RIT2: variants seen among roughly 807,000 people sequenced by gnomAD.
RIT2 encodes the protein GTP-binding protein Rit2.
Under a neutral mutation model 23.7 loss-of-function variants are expected in RIT2, and 24 were observed. That is an observed-to-expected ratio of 1.01 (90% CI 0.73 to 1.43). The LOEUF (loss-of-function observed/expected upper bound fraction) is 1.43, where lower values mean the gene tolerates loss of function less well. RIT2 is among the 40% of genes most tolerant of loss of function. The pLI is 0.00. For synonymous variants in RIT2, 107 were observed against 91.1 expected (o/e 1.17, Z -0.99); for missense variants, 236 against 266.9 (o/e 0.88, Z 0.81).
chr18:42,925,839 T>C (rs1364204866), intron 3 of RIT2, among the ~76,000 whole-genome samples: 4 of 151,656 alleles, frequency 2.6e-5, no homozygotes, highest in Non-Finnish European at 4.4e-5. Flanking sequence ...ATACCTTTAA[T>C]TAAAATGTAG....
intron 1 of RIT2, among the ~76,000 whole-genome samples, chr18:43,034,288 C>T (rs958673048): frequency 2.6e-5 from 4 of 152,046 alleles, no homozygotes; most frequent in Non-Finnish European, 5.9e-5. Flanking sequence ...TGAATAGATA[C>T]CCTCTGAAGT....
At chr18:42,756,006 G>C (rs574726036) in intron 4 of RIT2, among the ~76,000 whole-genome samples, 1 of 152,006 alleles carries the variant, frequency 6.6e-6, no homozygotes, top group Non-Finnish European at 1.5e-5. Flanking sequence ...AAGGAGTCTC[G>C]GTAAAGGGAC....
At chr18:42,838,739 C>T (rs1205631265) in intron 4 of RIT2, among the ~76,000 whole-genome samples, 1 of 152,084 alleles carries the variant, frequency 6.6e-6, no homozygotes, top group Non-Finnish European at 1.5e-5. Flanking sequence ...GATTACACGC[C>T]TCAGAATTTG....
chr18:42,984,527 G>A (rs1017620678), intron 2 of RIT2, among the ~76,000 whole-genome samples: 2 of 151,898 alleles, frequency 1.3e-5, no homozygotes, highest in Non-Finnish European at 2.9e-5. Flanking sequence ...ATTTTCAAGA[G>A]GTTACCATTA....
At chr18:43,038,421 T>G (rs537933969) in intron 1 of RIT2, among the ~76,000 whole-genome samples, 2 of 151,690 alleles carry the variant, frequency 1.3e-5, no homozygotes, top group South Asian at 4.2e-4. Context: ...TTTCTCTGAC[T>G]TTTTAGACCT....
At chr18:42,860,683 A>G (rs1398376700) in intron 4 of RIT2, among the ~76,000 whole-genome samples, 2 of 152,300 alleles carry the variant, frequency 1.3e-5, no homozygotes, top group Middle Eastern at 3.4e-3. Flanking sequence ...ATCAGTTTCT[A>G]TGTAGTCTCT....
chr18:42,980,293 C>A (rs1910569798), intron 2 of RIT2, among the ~76,000 whole-genome samples: 1 of 152,040 alleles, frequency 6.6e-6, no homozygotes, highest in South Asian at 2.1e-4. Context: ...TTTTCTCATG[C>A]TGTAATATTG....
chr18:43,012,623 AT>A (rs1244075246), intron 2 of RIT2, among the ~76,000 whole-genome samples: 4 of 151,634 alleles, frequency 2.6e-5, no homozygotes, highest in African/African-American at 9.7e-5. Context: ...TGCTCAAAAA[AT>A]AATGTATCTA....
At chr18:42,871,242 T>C (rs1907614913) in intron 4 of RIT2, among the ~76,000 whole-genome samples, 1 of 152,230 alleles carries the variant, frequency 6.6e-6, no homozygotes, top group African/African-American at 2.4e-5. Flanking sequence ...TATTTTCTAA[T>C]ATTTCTTTGT....
At chr18:43,061,641 C>T (rs570589002) in intron 1 of RIT2, among the ~76,000 whole-genome samples, 87 of 152,182 alleles carry the variant, frequency 5.7e-4, no homozygotes, top group African/African-American at 1.8e-3. Flanking sequence ...TGCCTTTTAA[C>T]CAATTGAACG....
At chr18:43,004,103 C>T (rs1049417049) in intron 2 of RIT2, among the ~76,000 whole-genome samples, 2 of 151,772 alleles carry the variant, frequency 1.3e-5, no homozygotes, top group African/African-American at 4.8e-5. Context: ...ACTATTCTGG[C>T]TAGCCTGGAG....
intron 4 of RIT2, among the ~76,000 whole-genome samples, chr18:42,858,837 T>C (rs1230456529): frequency 1.3e-5 from 2 of 152,212 alleles, no homozygotes; most frequent in African/African-American, 2.4e-5. Context: ...TTGTTTCATG[T>C]AGCATAATGT....
intron 4 of RIT2, among the ~76,000 whole-genome samples, chr18:42,868,822 A>T (rs1367230397): frequency 6.6e-6 from 1 of 152,180 alleles, no homozygotes. Context: ...GAATATCAGA[A>T]TCATCACAGA....
At chr18:42,866,633 C>T (rs1213445504) in intron 4 of RIT2, among the ~76,000 whole-genome samples, 2 of 147,454 alleles carry the variant, frequency 1.4e-5, no homozygotes, top group African/African-American at 5.0e-5. Flanking sequence ...TCATCTTGTG[C>T]TGTCAGGAAA....
chr18:42,885,945 G>A (rs1598699870), intron 4 of RIT2, among the ~76,000 whole-genome samples: 2 of 152,174 alleles, frequency 1.3e-5, no homozygotes, highest in African/African-American at 4.8e-5. Flanking sequence ...ACATTATCAT[G>A]AAGGGGCCGG....
chr18:42,957,845 T>G (rs1910008727), intron 3 of RIT2, among the ~76,000 whole-genome samples: 1 of 152,170 alleles, frequency 6.6e-6, no homozygotes, highest in Non-Finnish European at 1.5e-5. Flanking sequence ...AAACTAAAAA[T>G]TATGTACAAC....
intron 3 of RIT2, among the ~76,000 whole-genome samples, chr18:42,935,716 G>A (rs375610826): frequency 6.6e-6 from 1 of 152,104 alleles, no homozygotes; most frequent in East Asian, 1.9e-4. Flanking sequence ...AACAAAGTGC[G>A]CAAAGTAACA....
chr18:42,875,315 CTTCT>C (rs1288288263), intron 4 of RIT2, among the ~76,000 whole-genome samples: 2 of 150,560 alleles, frequency 1.3e-5, no homozygotes, highest in African/African-American at 4.9e-5. Flanking sequence ...CCCCAGTTGC[CTTCT>C]TTCTCTCTCT....
intron 2 of RIT2, among the ~76,000 whole-genome samples, chr18:42,998,022 G>A (rs1480161823): frequency 6.6e-6 from 1 of 152,094 alleles, no homozygotes; most frequent in East Asian, 1.9e-4. Flanking sequence ...TTGCAACAAG[G>A]CTCTGATAGT....
Sources: gnomAD v4.1 joint callset for allele counts (sites outside exome capture counted in the v4.1 genomes callset) on GRCh38, gnomAD v4.1.1 for gene constraint, MANE v1.5 for transcripts, NCBI Gene and HGNC (gene_info 2026-07-23, HGNC 2026-07-21) for gene names.